Variants in DNAH14 observed in about 807,000 individuals in gnomAD.
DNAH14 encodes axonemal beta dynein heavy chain 14.
DNAH14 carries 478 observed loss-of-function variants against 520.9 expected under a neutral mutation model. That is an observed-to-expected ratio of 0.92 (90% CI 0.85 to 0.99). DNAH14 has a LOEUF of 0.99. DNAH14 is among the 50% of genes least tolerant of loss of function. The pLI is 0.00. For synonymous variants in DNAH14, 1,581 were observed against 1,757.2 expected (o/e 0.90, Z 2.51); for missense variants, 4,831 against 5,234.5 (o/e 0.92, Z 2.38).
At chr1:225,287,717 G>C (rs763263250) in intron 54 of DNAH14, among the ~76,000 whole-genome samples, 31 of 151,926 alleles carry the variant, frequency 2.0e-4, no homozygotes, top group Non-Finnish European at 4.0e-4. Flanking sequence ...CCAATAAAAG[G>C]AACCAGGACT....
At chr1:224,988,862 A>G (rs1231062223) in intron 8 of DNAH14, among the ~76,000 whole-genome samples, 2 of 152,158 alleles carry the variant, frequency 1.3e-5, no homozygotes, top group Admixed American at 6.5e-5. Flanking sequence ...TCACAGGCTC[A>G]TCTGAAATTC....
chr1:225,295,889 A>G (rs563675625), intron 55 of DNAH14, among the ~76,000 whole-genome samples: 1 of 152,280 alleles, frequency 6.6e-6, no homozygotes, highest in Non-Finnish European at 1.5e-5. Context: ...CTCTTCCTTT[A>G]GATATAATAT....
chr1:225,207,347 C>G lies in DNAH14; in HGVS notation c.6439+127C>G, dbSNP rs2087718268. On this transcript the variant is annotated intron_variant, in intron 41 of 85. Coordinates refer to ENST00000682510, the MANE Select transcript of DNAH14 (RefSeq NM_001367479.1). ...ATTTTTAGTCTATTTGGACCAACAG[C>G]AGATATGCACATGGAACAAATTAAA... is the stretch of plus-strand genomic sequence containing the variant. 4 of 885,838 alleles carry G rather than the reference C, an allele frequency of 4.5e-6. No individual in the cohort carries two copies. The South Asian group carries it at 9.9e-5, about 22-fold the overall frequency. 54.9% of individuals were successfully genotyped at this position (885,838 alleles called of 1,614,324 possible). A position where few individuals can be genotyped will look rare whatever the true frequency, so the allele number is the denominator to read the frequency against.
intron 22 of DNAH14, among the ~76,000 whole-genome samples, chr1:225,098,473 T>A (rs1017500206): frequency 7.9e-5 from 12 of 152,236 alleles, no homozygotes; most frequent in African/African-American, 2.4e-4. Context: ...TTGAAAGGCC[T>A]ATTATAGCAA....
rs1469916138 is a variant in DNAH14, at chr1:225,257,867, AAAT to A, written c.6866-90_6866-88del. 9 of 1,080,838 alleles carry A rather than the reference AAAT, an allele frequency of 8.3e-6. No homozygotes were observed. The African/African-American group carries it at 1.0e-4, about 12-fold the overall frequency. The allele number at this position is 1,080,838 out of a possible 1,614,324, so 67.0% of individuals were successfully genotyped here. A position where few individuals can be genotyped will look rare whatever the true frequency, so the allele number is the denominator to read the frequency against. The stretch of plus-strand genomic sequence containing the variant: ...TACTTTTCATATATACAATTAATGA[AAAT>A]AAAATAATCCTAATGACAAAAAAAA... On this transcript the variant is annotated intron_variant, in intron 44 of 85. Coordinates refer to ENST00000682510, the MANE Select transcript of DNAH14 (RefSeq NM_001367479.1).
chr1:225,090,787 TAA>T (rs1222773316), intron 21 of DNAH14, among the ~76,000 whole-genome samples: 3 of 152,034 alleles, frequency 2.0e-5, no homozygotes, highest in Non-Finnish European at 2.9e-5. Flanking sequence ...AGAAAAAACA[TAA>T]GAGATATTTT....
chr1:225,169,992 A>G (rs1356427839), intron 36 of DNAH14, among the ~76,000 whole-genome samples: 1 of 152,228 alleles, frequency 6.6e-6, no homozygotes, highest in African/African-American at 2.4e-5. Flanking sequence ...AGAATTTTCA[A>G]CCCAGAATTT....
intron 43 of DNAH14, among the ~76,000 whole-genome samples, chr1:225,248,064 G>C (rs1286743653): frequency 6.6e-6 from 1 of 152,078 alleles, no homozygotes; most frequent in Non-Finnish European, 1.5e-5. Context: ...AGCAACAATA[G>C]AGATCAAAAG....
At chr1:225,366,394 A>T (rs2095553425) in intron 76 of DNAH14, among the ~76,000 whole-genome samples, 1 of 152,160 alleles carries the variant, frequency 6.6e-6, no homozygotes, top group Non-Finnish European at 1.5e-5. Context: ...CAAAATTAAC[A>T]CACACTCTCT....
At chr1:225,198,345 G>A (rs745481546) in intron 38 of DNAH14, among the ~76,000 whole-genome samples, 1 of 151,834 alleles carries the variant, frequency 6.6e-6, no homozygotes, top group African/African-American at 2.4e-5. Flanking sequence ...AGCCTCCCAA[G>A]TAGCTGGGAC....
chr1:225,250,746 G>C, intron 43 of DNAH14: 1 of 499,886 alleles, frequency 2.0e-6, no homozygotes, highest in Non-Finnish European at 3.7e-6. Flanking sequence ...GAAGGAATGG[G>C]CAAAGCAGTG....
chr1:225,387,225 T>C (rs1416262972), intron 81 of DNAH14, among the ~76,000 whole-genome samples: 2 of 146,546 alleles, frequency 1.4e-5, no homozygotes, highest in African/African-American at 5.1e-5. Flanking sequence ...CATCACACAC[T>C]GGGGCCTGTC....
At chr1:224,938,728 G>T (rs950915730) in intron 1 of DNAH14, among the ~76,000 whole-genome samples, 3 of 152,160 alleles carry the variant, frequency 2.0e-5, no homozygotes, top group Non-Finnish European at 4.4e-5. Flanking sequence ...ATATCAAAGA[G>T]ATATCTGTAC....
chr1:224,947,027 C>T (rs1468081139), intron 1 of DNAH14, among the ~76,000 whole-genome samples: 1 of 151,020 alleles, frequency 6.6e-6, no homozygotes. Context: ...CAGTGATTCT[C>T]CTGCCTCAGC....
In DNAH14 at chr1:225,353,666, G is replaced by A. The variant is rs370427062; in HGVS notation, c.11534-137G>A. 51 of 605,542 alleles carry A rather than the reference G, an allele frequency of 8.4e-5. No homozygotes were observed. The East Asian group carries it at 1.4e-3, about 17-fold the overall frequency. The allele number at this position is 605,542 out of a possible 1,614,324, so 37.5% of individuals were successfully genotyped here. Reference sequence around the variant, plus strand: ...ATGCCTCAAAGCTTATAGAAATAAAGCTCACTTTAAAAGTCAGCCATGTTT... The same window carrying A: ...ATGCCTCAAAGCTTATAGAAATAAAACTCACTTTAAAAGTCAGCCATGTTT... On this transcript the variant is annotated intron_variant, in intron 72 of 85. Coordinates refer to ENST00000682510, the MANE Select transcript of DNAH14 (RefSeq NM_001367479.1).
chr1:225,129,965 T>G (rs935201144), intron 27 of DNAH14, among the ~76,000 whole-genome samples: 7 of 151,968 alleles, frequency 4.6e-5, no homozygotes, highest in African/African-American at 1.7e-4. Context: ...CTCAAACAAA[T>G]TTACAAGAAA....
At chr1:225,398,774 T>C in intron 85 of DNAH14, 108 bp downstream of exon 85, 13 of 1,393,528 alleles carry the variant, frequency 9.3e-6, no homozygotes, top group Non-Finnish European at 1.2e-5. Context: ...GGAGATGTGA[T>C]AATATACTCA....
At chr1:224,981,219 T>C (rs1456086586) in intron 8 of DNAH14, among the ~76,000 whole-genome samples, 1 of 152,248 alleles carries the variant, frequency 6.6e-6, no homozygotes, top group Non-Finnish European at 1.5e-5. Flanking sequence ...AGCATCTCTG[T>C]TCATCAAGGA....
chr1:225,336,914 T>C (rs1301447963), intron 66 of DNAH14, among the ~76,000 whole-genome samples: 2 of 152,204 alleles, frequency 1.3e-5, no homozygotes, highest in Non-Finnish European at 2.9e-5. Flanking sequence ...TATTTGTATA[T>C]TTTGTATATT....
Sources: allele counts gnomAD v4.1 joint callset (sites outside exome capture counted in the v4.1 genomes callset), GRCh38; gene constraint gnomAD v4.1.1; transcripts MANE v1.5; gene names NCBI Gene and HGNC (gene_info 2026-07-23, HGNC 2026-07-21).